MYH11: variants seen among roughly 807,000 people sequenced by gnomAD.
MYH11 encodes myosin-11.
In MYH11, 80 loss-of-function variants were observed where a neutral mutation model predicts 246.6. The observed-to-expected ratio is 0.32, with a 90% confidence interval of 0.27 to 0.39. The LOEUF (loss-of-function observed/expected upper bound fraction) is 0.39. Among genes scored for constraint, MYH11 ranks in the 10% least tolerant of loss-of-function variants. The probability of loss-of-function intolerance (pLI) is 1.00; values close to 1 mark genes in which losing one functional copy is unlikely to be tolerated. For missense variants in MYH11, 2,158 were observed against 2,546.8 expected (o/e 0.85, Z 3.29); for synonymous variants, 1,071 against 1,015.5 (o/e 1.05, Z -1.04).
At chr16:15,824,585 A>T (rs62031667) in intron 2 of MYH11, among the ~76,000 whole-genome samples, 1 of 152,142 alleles carries the variant, frequency 6.6e-6, no homozygotes, top group South Asian at 2.1e-4. Context: ...TCAGCCAGAG[A>T]GGGAATGTCG....
chr16:15,720,767 A>G, intron 33 of MYH11, 72 bp downstream of exon 33: 4 of 1,488,524 alleles, frequency 2.7e-6, no homozygotes, highest in Non-Finnish European at 3.7e-6. Flanking sequence ...TTCCACACCA[A>G]CCATGAGAGT....
chr16:15,749,394 G>A (rs2041505306), intron 16 of MYH11: 1 of 152,188 alleles, frequency 6.6e-6, no homozygotes, highest in Admixed American at 6.6e-5. Context: ...GCTTATCCTA[G>A]GCCCCCTGCT....
At chr16:15,781,003 G>A (rs1762830443) in intron 6 of MYH11, among the ~76,000 whole-genome samples, 1 of 152,138 alleles carries the variant, frequency 6.6e-6, no homozygotes, top group African/African-American at 2.4e-5. Context: ...ATAGACCTAA[G>A]TGTCTGTCTC....
At chr16:15,776,368 CA>C (rs1037975615) in intron 7 of MYH11, among the ~76,000 whole-genome samples, 192 bp from the exon 8 acceptor site, 3 of 149,780 alleles carry the variant, frequency 2.0e-5, no homozygotes, top group African/African-American at 7.4e-5. Context: ...ACTTCAGATG[CA>C]AAAAAAAGGG....
intron 38 of MYH11, 120 bp from the exon 39 acceptor site, chr16:15,715,392 A>C (rs1224808329): frequency 4.8e-6 from 4 of 835,748 alleles, no homozygotes; most frequent in Non-Finnish European, 8.1e-6. Context: ...ACTCCTCTCA[A>C]GAATCAGTCA....
chr16:15,753,519 C>T lies in MYH11; in HGVS notation c.1750-11G>A. The T allele has an allele frequency of 6.2e-7, 1 of 1,607,840 alleles. No individual in the cohort carries two copies. Among genetic ancestry groups the T allele is most frequent in the Non-Finnish European group, 8.5e-7 (1 of 1,174,252 alleles). On this transcript the variant is annotated splice_polypyrimidine_tract_variant and intron_variant, in intron 14 of 40. Transcript: ENST00000300036. Reference sequence around the variant, plus strand: ...CGCATTATAGTCCACCTGCCAAGGACACCCTGCTGGTCAGAACCCCTGGGA... The same window carrying T: ...CGCATTATAGTCCACCTGCCAAGGATACCCTGCTGGTCAGAACCCCTGGGA...
At chr16:15,771,123 T>C (rs1388291097) in intron 9 of MYH11, among the ~76,000 whole-genome samples, 4 of 151,888 alleles carry the variant, frequency 2.6e-5, no homozygotes, top group Non-Finnish European at 5.9e-5. Flanking sequence ...GCCTCCTGAG[T>C]AGCTAGGACT....
intron 3 of MYH11, 70 bp from the exon 4 acceptor site, chr16:15,798,757 T>G: frequency 6.7e-7 from 1 of 1,498,754 alleles, no homozygotes. Flanking sequence ...TGGACTTGGC[T>G]CCTCCCAGGG....
At chr16:15,787,862 A>C (rs1171799065) in intron 4 of MYH11, among the ~76,000 whole-genome samples, 1 of 152,052 alleles carries the variant, frequency 6.6e-6, no homozygotes, top group Non-Finnish European at 1.5e-5. Context: ...AAAACCGGTT[A>C]TCCCATTGGT....
rs542430686 is a variant in MYH11 at position 15,749,416 on chromosome 16, C to T, written c.2058+722G>A. ...CTAGGCCCCCTGCTTATCCTAGGCC[C>T]CACCCTGCCTTCCATGTCACCAAGT... On this transcript the variant is annotated intron_variant, in intron 16 of 40. Transcript: ENST00000300036. 3 of 152,762 alleles carry T rather than the reference C, an allele frequency of 2.0e-5. No homozygotes were observed. The East Asian group carries it at 5.8e-4, about 30-fold the overall frequency. The allele number at this position is 152,762 out of a possible 1,614,324, so 9.5% of individuals were successfully genotyped here.
intron 1 of MYH11, among the ~76,000 whole-genome samples, chr16:15,854,551 T>C (rs551995688): frequency 2.6e-5 from 4 of 152,314 alleles, no homozygotes; most frequent in Admixed American, 1.3e-4. Flanking sequence ...TAAGATAATG[T>C]CCACAAAGCG....
intron 40 of MYH11, among the ~76,000 whole-genome samples, chr16:15,712,505 A>C (rs553335751): frequency 6.2e-4 from 95 of 152,076 alleles, no homozygotes; most frequent in Admixed American, 2.0e-3. Context: ...AAAATAGGCC[A>C]AAAATAGCTT....
chr16:15,721,190 G>C, intron 32 of MYH11, 139 bp from the exon 33 acceptor site: 2 of 1,025,652 alleles, frequency 1.9e-6, no homozygotes, highest in South Asian at 2.8e-5. Flanking sequence ...GACTCAAGAT[G>C]ACCCCTGAGA....
intron 9 of MYH11, among the ~76,000 whole-genome samples, chr16:15,766,561 G>A (rs984687474): frequency 4.6e-5 from 7 of 152,000 alleles, no homozygotes; most frequent in Admixed American, 2.6e-4. Context: ...TAGTAGAGAC[G>A]GAGTTTCACC....
At chr16:15,768,513 G>T (rs763873234) in intron 9 of MYH11, among the ~76,000 whole-genome samples, 1 of 152,042 alleles carries the variant, frequency 6.6e-6, no homozygotes, top group African/African-American at 2.4e-5. Context: ...TTATAAATGG[G>T]GTTGGTGTAC....
intron 3 of MYH11, among the ~76,000 whole-genome samples, chr16:15,804,166 T>TTCTC (rs58442204): frequency 1.3e-5 from 2 of 151,284 alleles, no homozygotes; most frequent in African/African-American, 4.8e-5. Context: ...GCCTAATCCA[T>TTCTC]TCTCTCTCTC....
intron 33 of MYH11, 25 bp downstream of exon 33, chr16:15,720,814 T>C: frequency 1.2e-6 from 2 of 1,611,220 alleles, no homozygotes; most frequent in African/African-American, 1.3e-5. Flanking sequence ...GACCTCCCTC[T>C]GCTGGCCTCC....
chr16:15,800,908 C>T (rs1457829725), intron 3 of MYH11, among the ~76,000 whole-genome samples: 3 of 152,060 alleles, frequency 2.0e-5, no homozygotes, highest in Non-Finnish European at 2.9e-5. Flanking sequence ...TATAATGGCA[C>T]ATTTAAAAAT....
chr16:15,715,125 G>GGGCTGGGGGCTCGAGGGA, intron 39 of MYH11, 39 bp downstream of exon 39: 1 of 1,612,466 alleles, frequency 6.2e-7, no homozygotes, highest in Admixed American at 1.7e-5. Context: ...GGCCGGCTGG[G>GGGCTGGGGGCTCGAGGGA]GGCTGGGGGC....
Sources: gnomAD v4.1 joint callset for allele counts (sites outside exome capture counted in the v4.1 genomes callset) on GRCh38, gnomAD v4.1.1 for gene constraint, MANE v1.5 for transcripts, NCBI Gene and HGNC (gene_info 2026-07-23, HGNC 2026-07-21) for gene names.